Variants in SLC9A1 observed in about 807,000 individuals in gnomAD.
SLC9A1 encodes the protein sodium/hydrogen exchanger 1.
Under a neutral mutation model 67.9 loss-of-function variants are expected in SLC9A1, and 22 were observed. That is an observed-to-expected ratio of 0.32 (90% CI 0.23 to 0.46). The LOEUF is 0.46. Among genes scored for constraint, SLC9A1 ranks in the 20% least tolerant of loss-of-function variants. The probability of loss-of-function intolerance (pLI) is 1.00; values close to 1 mark genes in which losing one functional copy is unlikely to be tolerated. For synonymous variants in SLC9A1, 421 were observed against 471.8 expected, an observed-to-expected ratio of 0.89 and a Z score of 1.40; for missense variants, 686 against 1,094.8, an observed-to-expected ratio of 0.63 and a Z score of 5.27.
intron 1 of SLC9A1, among the ~76,000 whole-genome samples, chr1:27,131,978 A>ATATATATATATATATATAT (rs1491404048): frequency 1.4e-5 from 2 of 142,078 alleles, no homozygotes; most frequent in African/African-American, 5.3e-5. Flanking sequence ...ATATATATAT[A>ATATATATATATATATATAT]AAATTATGGC....
intron 1 of SLC9A1, among the ~76,000 whole-genome samples, chr1:27,144,587 A>G (rs968954445): frequency 6.6e-6 from 1 of 152,236 alleles, no homozygotes; most frequent in South Asian, 2.1e-4. Flanking sequence ...TGAGCAGTCA[A>G]ACTGGTTTCT....
rs761352342 is a variant in SLC9A1 at position 27,154,301 on chromosome 1, G to A, written c.34C>T (p.Pro12Ser). ...VLRSGICGLS[P>S]HRIFPSLLVV... ...AGTAAGGAAGGGAAGATCCGATGTG[G>A]AGAGAGGCCACAGATGCCAGACCGC... The change falls in exon 1 of 12, where the codon CCA becomes TCA. Residue 12 changes from proline (P) to serine (S), a missense_variant. Transcript: ENST00000263980. 4 of 1,606,070 alleles carry A rather than the reference G, an allele frequency of 2.5e-6. No individual in the cohort carries two copies. The highest frequency in any genetic ancestry group is 3.4e-6 in the Non-Finnish European group (4 of 1,175,066).
intron 1 of SLC9A1, among the ~76,000 whole-genome samples, chr1:27,146,590 C>T (rs746727240): frequency 6.6e-6 from 1 of 152,156 alleles, no homozygotes; most frequent in Non-Finnish European, 1.5e-5. Context: ...TGTGCAAGTA[C>T]CTTTCACAAC....
chr1:27,139,371 G>C (rs1009668339), intron 1 of SLC9A1, among the ~76,000 whole-genome samples: 2 of 152,118 alleles, frequency 1.3e-5, no homozygotes, highest in Admixed American at 6.5e-5. Context: ...AGCAATCCTC[G>C]AGCACTTAAT....
At chr1:27,115,986 G>A (rs1300379587) in intron 1 of SLC9A1, among the ~76,000 whole-genome samples, 10 of 152,122 alleles carry the variant, frequency 6.6e-5, no homozygotes, top group Non-Finnish European at 1.2e-4. Context: ...GGACAGAGGA[G>A]GAACTTCCCT....
Position 27,109,835 on chromosome 1 carries a change from C to A in SLC9A1, c.814-58G>T. On this transcript the variant is annotated intron_variant, in intron 2 of 11. Coordinates refer to ENST00000263980, the MANE Select transcript of SLC9A1 (RefSeq NM_003047.5). This position sits in a 1 kb window ranked among gnomAD's most constrained non-coding sequence, Gnocchi z 5.5. Reference sequence around the variant, plus strand: ...GAGAGGGCCCTGGCCCCACGGTTCCCTGGGGTCCACCCAGGGCAATCCTGT... The same window carrying A: ...GAGAGGGCCCTGGCCCCACGGTTCCATGGGGTCCACCCAGGGCAATCCTGT... 6.3e-7 allele frequency: 1 copy of A among 1,598,020 alleles called. No individual in the cohort carries two copies. Among genetic ancestry groups the A allele is most frequent in the South Asian group, 1.1e-5 (1 of 89,734 alleles).
intron 1 of SLC9A1, among the ~76,000 whole-genome samples, chr1:27,131,439 CAAAAAAA>C (rs35954506): frequency 1.8e-3 from 49 of 27,490 alleles, no homozygotes; most frequent in African/African-American, 4.6e-3. Context: ...ACTAAAAATA[CAAAAAAA>C]AAAAAAAAAA....
In SLC9A1 at chr1:27,109,843, C is replaced by A; in HGVS notation, c.814-66G>T. ...CCTGGCCCCACGGTTCCCTGGGGTC[C>A]ACCCAGGGCAATCCTGTCCCCTCCG... is the stretch of plus-strand genomic sequence containing the variant. On this transcript the variant is annotated intron_variant, in intron 2 of 11. Coordinates refer to ENST00000263980, the MANE Select transcript of SLC9A1 (RefSeq NM_003047.5). This position sits in a 1 kb window ranked among gnomAD's most constrained non-coding sequence, Gnocchi z 5.5. The A allele has an allele frequency of 6.4e-7, 1 of 1,568,476 alleles. No individual in the cohort carries two copies. Among genetic ancestry groups the A allele is most frequent in the South Asian group, 1.1e-5 (1 of 88,272 alleles).
At chr1:27,108,637 C>A (rs1183763311) in intron 3 of SLC9A1, among the ~76,000 whole-genome samples, 1 of 152,050 alleles carries the variant, frequency 6.6e-6, no homozygotes, top group African/African-American at 2.4e-5. Context: ...CCACTGCATT[C>A]CAGCCTGGGT....
chr1:27,144,689 C>A (rs531232246), intron 1 of SLC9A1, among the ~76,000 whole-genome samples: 1 of 152,202 alleles, frequency 6.6e-6, no homozygotes, highest in Non-Finnish European at 1.5e-5. Flanking sequence ...ATTTATGGAG[C>A]CTTTACTCTG....
Position 27,143,141 on chromosome 1 carries a change from A to G in SLC9A1, c.352+10842T>C, listed in dbSNP as rs188368553. On this transcript the variant is annotated intron_variant, in intron 1 of 11. Transcript: ENST00000263980. ...ACAACTGTCTGCAGACTATTTTGGG[A>G]GCTCCACAAACTTTATCATGGACTC... Among the ~76,000 whole-genome samples the G allele has an allele frequency of 3.9e-3, 583 of 150,916 alleles. 4 individuals carry two copies. Among genetic ancestry groups the G allele is most frequent in the South Asian group, 0.022 (103 of 4,748 alleles).
chr1:27,127,011 G>A (rs1370493719), intron 1 of SLC9A1, among the ~76,000 whole-genome samples: 1 of 151,930 alleles, frequency 6.6e-6, no homozygotes, highest in African/African-American at 2.4e-5. Context: ...CGGGGGGAGG[G>A]GGCAGGGAAA....
chr1:27,126,383 G>C (rs748631651), intron 1 of SLC9A1, among the ~76,000 whole-genome samples: 26 of 152,282 alleles, frequency 1.7e-4, no homozygotes, highest in African/African-American at 3.6e-4. Flanking sequence ...AAGGTTGTGA[G>C]GATTACATGA....
At chr1:27,135,255 G>C (rs962027382) in intron 1 of SLC9A1, among the ~76,000 whole-genome samples, 1 of 151,216 alleles carries the variant, frequency 6.6e-6, no homozygotes. Context: ...GTCTCCCTAG[G>C]TTGCCCAGGC....
At chr1:27,125,237 C>CTTTCT (rs2083333521) in intron 1 of SLC9A1, among the ~76,000 whole-genome samples, 1 of 86,870 alleles carries the variant, frequency 1.2e-5, no homozygotes, top group African/African-American at 4.8e-5. Flanking sequence ...CCTTTTCTTT[C>CTTTCT]TTTTTTTTTT....
At chr1:27,121,151 A>G (rs1230637530) in intron 1 of SLC9A1, among the ~76,000 whole-genome samples, 1 of 152,090 alleles carries the variant, frequency 6.6e-6, no homozygotes, top group Non-Finnish European at 1.5e-5. Context: ...TTTCCCCATC[A>G]TTCTTCCAAA....
At chr1:27,123,388 C>T (rs1347368947) in intron 1 of SLC9A1, among the ~76,000 whole-genome samples, 1 of 152,162 alleles carries the variant, frequency 6.6e-6, no homozygotes, top group Non-Finnish European at 1.5e-5. Context: ...ATCACACATG[C>T]TGTGCTTCAA....
intron 8 of SLC9A1, 124 bp from the exon 9 acceptor site, chr1:27,102,254 T>C (rs1030385805): frequency 4.9e-5 from 66 of 1,339,284 alleles, no homozygotes; most frequent in Admixed American, 9.2e-5. Context: ...AGGTCCTTGG[T>C]GCGAGCCCAC....
chr1:27,100,911 G>T lies in SLC9A1; in HGVS notation c.2111-267C>A, dbSNP rs2083138099. Among the ~76,000 whole-genome samples, 1 of 152,184 alleles carries T rather than the reference G, an allele frequency of 6.6e-6. No individual in the cohort carries two copies. The highest frequency in any genetic ancestry group is 2.4e-5 in the African/African-American group (1 of 41,452). ...CCTCCCTGAGTCAGTCTGCCCTGGG[G>T]CCCTGCCCTCACGTTCCCCACACGT... On this transcript the variant is annotated intron_variant, in intron 11 of 11. Coordinates refer to ENST00000263980, the MANE Select transcript of SLC9A1 (RefSeq NM_003047.5). This position sits in a 1 kb window ranked among gnomAD's most constrained non-coding sequence, Gnocchi z 5.6.
Sources: gnomAD v4.1 joint callset for allele counts (sites outside exome capture counted in the v4.1 genomes callset) on GRCh38, gnomAD v4.1.1 for gene constraint, Gnocchi (gnomAD v3.1) non-coding constraint, MANE v1.5 for transcripts, NCBI Gene and HGNC (gene_info 2026-07-23, HGNC 2026-07-21) for gene names.